L3MBTL4: variants seen among roughly 807,000 people sequenced by gnomAD.
The protein encoded by L3MBTL4 is lethal(3)malignant brain tumor-like protein 4.
A neutral mutation model predicts 84.5 loss-of-function variants in L3MBTL4; 70 were observed. The ratio of observed to expected loss-of-function variants is 0.83; its 90% CI spans 0.68 to 1.01. L3MBTL4 has a LOEUF of 1.01. Ranked by LOEUF, L3MBTL4 falls within the 50% of genes least tolerant of loss-of-function variation. L3MBTL4 has a pLI of 0.00. For synonymous variants in L3MBTL4, 274 were observed against 259.8 expected (o/e 1.05, Z -0.52); for missense variants, 715 against 754.8 (o/e 0.95, Z 0.62).
intron 16 of L3MBTL4, among the ~76,000 whole-genome samples, chr18:5,993,311 A>T (rs747073462): frequency 2.0e-5 from 3 of 152,258 alleles, no homozygotes; most frequent in Non-Finnish European, 4.4e-5. Context: ...ACTTTTCCAG[A>T]TAAATCTGGG....
intron 4 of L3MBTL4, among the ~76,000 whole-genome samples, chr18:6,270,036 A>C (rs1413345807): frequency 6.6e-6 from 1 of 152,218 alleles, no homozygotes; most frequent in East Asian, 1.9e-4. Context: ...TCATTTCAAA[A>C]GTTATGCTGC....
intron 13 of L3MBTL4, among the ~76,000 whole-genome samples, chr18:6,164,800 C>A (rs537304498): frequency 6.6e-6 from 1 of 152,326 alleles, no homozygotes; most frequent in African/African-American, 2.4e-5. Context: ...GAACGCAGCT[C>A]CTCACCAGCA....
At chr18:6,405,312 CCATAA>C (rs2055680725) in intron 1 of L3MBTL4, among the ~76,000 whole-genome samples, 1 of 152,206 alleles carries the variant, frequency 6.6e-6, no homozygotes. Context: ...TTCCTTCCCT[CCATAA>C]CACATGGTCT....
At chr18:6,217,176 C>T (rs989545569) in intron 10 of L3MBTL4, among the ~76,000 whole-genome samples, 8 of 152,056 alleles carry the variant, frequency 5.3e-5, no homozygotes, top group Non-Finnish European at 1.2e-4. Flanking sequence ...AGTGGATAGA[C>T]TGAACATTTT....
rs551997870 is a variant in L3MBTL4 at position 6,182,729 on chromosome 18, A to C, written c.982-10787T>G. On this transcript the variant is annotated intron_variant, in intron 12 of 18. Coordinates refer to ENST00000317931, the MANE Select transcript of L3MBTL4 (RefSeq NM_001330559.2). ...GTTTATTTTTGTACATGGTGTAAGG[A>C]AGAGGTCTAGTTTCAATCTTCTGCA... 3.3e-5 allele frequency among the ~76,000 whole-genome samples: 5 copies of C among 152,292 alleles called. No individual in the cohort carries two copies. In the South Asian group the frequency reaches 1.0e-3, roughly 32 times the overall value.
intron 16 of L3MBTL4, among the ~76,000 whole-genome samples, chr18:6,074,341 C>A (rs571733720): frequency 2.6e-4 from 40 of 152,246 alleles, no homozygotes; most frequent in Admixed American, 7.2e-4. Flanking sequence ...TGGCCAATGC[C>A]CTCTCTGGAG....
chr18:5,992,785 T>A lies in L3MBTL4; in HGVS notation c.1445-23223A>T, dbSNP rs371325435. The stretch of plus-strand genomic sequence containing the variant: ...CTCCCACTTCGCCTTCCGCCATGAG[T>A]AAAAGCTCCCTGAGGCCTCCCCAGA... On this transcript the variant is annotated intron_variant, in intron 16 of 18. Coordinates refer to ENST00000317931, the MANE Select transcript of L3MBTL4 (RefSeq NM_001330559.2). 3.3e-5 allele frequency among the ~76,000 whole-genome samples: 5 copies of A among 152,252 alleles called. No individual in the cohort carries two copies. The East Asian group carries it at 5.8e-4, about 18-fold the overall frequency.
intron 1 of L3MBTL4, among the ~76,000 whole-genome samples, chr18:6,393,097 A>G (rs1198662296): frequency 2.0e-5 from 3 of 152,128 alleles, no homozygotes; most frequent in Admixed American, 6.6e-5. Context: ...AATTTTAACT[A>G]TAAAGATAAT....
intron 1 of L3MBTL4, among the ~76,000 whole-genome samples, chr18:6,363,243 C>T (rs2144053474): frequency 6.6e-6 from 1 of 152,254 alleles, no homozygotes; most frequent in Non-Finnish European, 1.5e-5. Flanking sequence ...AGCATTTCTT[C>T]TAACAAACCC....
At chr18:6,387,564 A>G (rs978922160) in intron 1 of L3MBTL4, among the ~76,000 whole-genome samples, 3 of 152,226 alleles carry the variant, frequency 2.0e-5, no homozygotes, top group Non-Finnish European at 2.9e-5. Flanking sequence ...TCTGATTTAA[A>G]TACATCTCTG....
intron 16 of L3MBTL4, among the ~76,000 whole-genome samples, chr18:5,970,114 A>AGCT (rs918219887): frequency 6.6e-6 from 1 of 152,234 alleles, no homozygotes; most frequent in African/African-American, 2.4e-5. Flanking sequence ...GGGTGATATC[A>AGCT]GCTGCTGCTG....
At chr18:6,359,953 G>A (rs1245063742) in intron 1 of L3MBTL4, among the ~76,000 whole-genome samples, 5 of 152,150 alleles carry the variant, frequency 3.3e-5, no homozygotes, top group Admixed American at 2.0e-4. Flanking sequence ...AATTACTTAA[G>A]TATGAGTTAA....
intron 13 of L3MBTL4, among the ~76,000 whole-genome samples, chr18:6,170,918 G>C (rs2043941513): frequency 6.6e-6 from 1 of 152,076 alleles, no homozygotes; most frequent in African/African-American, 2.4e-5. Context: ...TAGGGTACTG[G>C]TCCTATGTGT....
Position 5,960,168 on chromosome 18 carries a change from G to A in L3MBTL4, c.1615-12C>T, listed in dbSNP as rs1380963567. The A allele has an allele frequency of 1.9e-6, 3 of 1,563,726 alleles. No individual in the cohort carries two copies. Among genetic ancestry groups the A allele is most frequent in the Non-Finnish European group, 2.6e-6 (3 of 1,146,722 alleles). The stretch of plus-strand genomic sequence containing the variant: ...ACAAACTCAGCCACCTACAGTGCGA[G>A]ATGAAAAGCCTAATTTAATACATGC... On this transcript the variant is annotated splice_polypyrimidine_tract_variant and intron_variant, in intron 17 of 18. Transcript: ENST00000317931.
rs554403575 is a variant in L3MBTL4 at position 6,150,366 on chromosome 18, T to C, written c.1097-12070A>G. The stretch of plus-strand genomic sequence containing the variant: ...AACAGGGCCACATTAAAAGTTCTCA[T>C]GACCAGTAAGCTGCTTTTGGGCATT... On this transcript the variant is annotated intron_variant, in intron 13 of 18. Coordinates refer to ENST00000317931, the MANE Select transcript of L3MBTL4 (RefSeq NM_001330559.2). Among the ~76,000 whole-genome samples the C allele has an allele frequency of 1.1e-4, 16 of 152,250 alleles. 1 individual carries two copies. In the South Asian group the frequency reaches 3.1e-3, roughly 30 times the overall value.
intron 16 of L3MBTL4, among the ~76,000 whole-genome samples, chr18:6,023,468 A>G (rs971140782): frequency 2.6e-5 from 4 of 152,196 alleles, no homozygotes; most frequent in Non-Finnish European, 5.9e-5. Context: ...GTAGAAATAC[A>G]TGGCTAATTT....
Position 5,969,490 on chromosome 18 carries a change from A to G in L3MBTL4, c.1517T>C (p.Phe506Ser). The part of the protein sequence containing the change: ...VSMSTVSAHP[F>S]RDLPLGREQH... ...CTCCCTGCCGAGGGGAAGGTCCCGA[A>G]AAGGGTGGGCTGACACCGTGGACAT... The change falls in exon 17 of 19, where the codon TTT becomes TCT. Residue 506 changes from phenylalanine (F) to serine (S), a missense_variant. Coordinates refer to ENST00000317931, the MANE Select transcript of L3MBTL4 (RefSeq NM_001330559.2). The G allele has an allele frequency of 2.5e-6, 4 of 1,614,030 alleles. No individual in the cohort carries two copies. Among genetic ancestry groups the G allele is most frequent in the Non-Finnish European group, 2.5e-6 (3 of 1,180,000 alleles).
chr18:6,235,004 C>G (rs2047156783), intron 10 of L3MBTL4, among the ~76,000 whole-genome samples: 1 of 152,064 alleles, frequency 6.6e-6, no homozygotes. Flanking sequence ...AAGATGAGAT[C>G]ATGTCATTTT....
At chr18:6,167,294 AG>A (rs1444403188) in intron 13 of L3MBTL4, among the ~76,000 whole-genome samples, 4 of 152,220 alleles carry the variant, frequency 2.6e-5, no homozygotes, top group Non-Finnish European at 4.4e-5. Flanking sequence ...TCCAATCAAT[AG>A]AAAAAGAGGG....
Sources: gnomAD v4.1 joint callset for allele counts (sites outside exome capture counted in the v4.1 genomes callset) on GRCh38, gnomAD v4.1.1 for gene constraint, MANE v1.5 for transcripts, NCBI Gene and HGNC (gene_info 2026-07-23, HGNC 2026-07-21) for gene names.